YWHAE: variants seen among roughly 807,000 people sequenced by gnomAD.
YWHAE encodes 14-3-3 protein epsilon.
Under a neutral mutation model 30.1 loss-of-function variants are expected in YWHAE, and 4 were observed. The observed-to-expected ratio is 0.13, with a 90% CI of 0.07 to 0.30. The LOEUF is 0.30. Among genes scored for constraint, YWHAE ranks in the 10% least tolerant of loss-of-function variants. YWHAE has a pLI of 1.00. For synonymous variants in YWHAE, 118 were observed against 111.8 expected, an observed-to-expected ratio of 1.06 and a Z score of -0.35; for missense variants, 121 against 315.9, an observed-to-expected ratio of 0.38 and a Z score of 4.68.
chr17:1,389,042 T>C (rs945409718), intron 1 of YWHAE, among the ~76,000 whole-genome samples: 1 of 152,068 alleles, frequency 6.6e-6, no homozygotes, highest in Non-Finnish European at 1.5e-5. Context: ...CATGGCTCAC[T>C]GCAGCCTCGA....
chr17:1,369,914 G>A lies in YWHAE; in HGVS notation c.65-4856C>T, dbSNP rs150795056. On this transcript the variant is annotated intron_variant, in intron 1 of 5. Transcript: ENST00000264335. ...TGCTAATAAATGCTAATGCTCATCT[G>A]AGCCTTCAGCAAGTGATAATATTTT... Among the ~76,000 whole-genome samples, 95 of 152,232 alleles carry A rather than the reference G, an allele frequency of 6.2e-4. 1 individual carries two copies. The highest frequency in any genetic ancestry group is 2.2e-3 in the African/African-American group (93 of 41,532).
At chr17:1,399,812 G>C in intron 1 of YWHAE, 1 of 237,298 alleles carries the variant, frequency 4.2e-6, no homozygotes, top group Non-Finnish European at 8.0e-6. Context: ...CCACCCCGTC[G>C]CCCCGGCCTC....
intron 1 of YWHAE, among the ~76,000 whole-genome samples, chr17:1,369,100 C>T (rs1434767360): frequency 6.6e-6 from 1 of 152,184 alleles, no homozygotes; most frequent in African/African-American, 2.4e-5. Context: ...TTTACATATA[C>T]ACAAAACAAT....
chr17:1,375,830 G>GT (rs2073113927), intron 1 of YWHAE, among the ~76,000 whole-genome samples: 1 of 152,172 alleles, frequency 6.6e-6, no homozygotes, highest in Non-Finnish European at 1.5e-5. Flanking sequence ...GGTTTGGTTT[G>GT]TGGTTGTGTT....
At chr17:1,358,892 T>C (rs1293683335) in intron 4 of YWHAE, among the ~76,000 whole-genome samples, 1 of 149,422 alleles carries the variant, frequency 6.7e-6, no homozygotes, top group Non-Finnish European at 1.5e-5. Flanking sequence ...CCCAGAACTT[T>C]GGGAGGCCGA....
At chr17:1,391,437 G>A (rs1026163403) in intron 1 of YWHAE, among the ~76,000 whole-genome samples, 8 of 152,184 alleles carry the variant, frequency 5.3e-5, no homozygotes, top group African/African-American at 1.7e-4. Flanking sequence ...CACAAGGCAA[G>A]TTTGTTGCCC....
chr17:1,349,868 C>T (rs902208283), intron 5 of YWHAE, among the ~76,000 whole-genome samples: 1 of 152,110 alleles, frequency 6.6e-6, no homozygotes, highest in Non-Finnish European at 1.5e-5. Flanking sequence ...CCCGCCTCAG[C>T]CTCCCAAAGT....
chr17:1,395,292 C>T (rs930797805), intron 1 of YWHAE, among the ~76,000 whole-genome samples: 7 of 152,232 alleles, frequency 4.6e-5, no homozygotes, highest in African/African-American at 1.4e-4. Flanking sequence ...GTTTGGGAGG[C>T]TGAGGTGGGC....
At chr17:1,357,641 A>G (rs937167439) in intron 4 of YWHAE, among the ~76,000 whole-genome samples, 2 of 152,020 alleles carry the variant, frequency 1.3e-5, no homozygotes, top group Non-Finnish European at 2.9e-5. Context: ...AAAATTTAAA[A>G]TAGGCTGGGT....
chr17:1,386,286 C>G (rs1184493730), intron 1 of YWHAE, among the ~76,000 whole-genome samples: 3 of 152,236 alleles, frequency 2.0e-5, no homozygotes, highest in African/African-American at 7.2e-5. Context: ...CATGGGACAC[C>G]CAGCAACTGA....
chr17:1,348,462 T>C (rs550445418), intron 5 of YWHAE, among the ~76,000 whole-genome samples: 1 of 152,262 alleles, frequency 6.6e-6, no homozygotes, highest in South Asian at 2.1e-4. Flanking sequence ...TTAAAAGACA[T>C]AAATACCGTC....
At chr17:1,394,450 A>AAAAAC (rs2073435379) in intron 1 of YWHAE, among the ~76,000 whole-genome samples, 1 of 149,438 alleles carries the variant, frequency 6.7e-6, no homozygotes, top group African/African-American at 2.5e-5. Context: ...AAAAAAAAAA[A>AAAAAC]AAAAAAAAAA....
At chr17:1,347,626 T>A (rs1255544734) in intron 5 of YWHAE, among the ~76,000 whole-genome samples, 1 of 152,108 alleles carries the variant, frequency 6.6e-6, no homozygotes, top group African/African-American at 2.4e-5. Context: ...CAAAGGACAA[T>A]AACGTATTCA....
intron 1 of YWHAE, among the ~76,000 whole-genome samples, chr17:1,375,214 T>C (rs1480395423): frequency 2.6e-5 from 4 of 152,194 alleles, no homozygotes; most frequent in African/African-American, 9.7e-5. Flanking sequence ...GTCATCTTTA[T>C]CCTTTTAACA....
chr17:1,382,913 T>C (rs942327635), intron 1 of YWHAE, among the ~76,000 whole-genome samples: 8 of 151,028 alleles, frequency 5.3e-5, no homozygotes, highest in African/African-American at 2.0e-4. Flanking sequence ...TAATTCCAGC[T>C]ACTTGGGAGG....
intron 1 of YWHAE, among the ~76,000 whole-genome samples, chr17:1,397,745 TGGACACAGGTAGA>T (rs911887859): frequency 6.6e-6 from 1 of 152,162 alleles, no homozygotes; most frequent in African/African-American, 2.4e-5. Context: ...AATAAAGGAA[TGGACACAGGTAGA>T]GGACACAGGT....
intron 1 of YWHAE, among the ~76,000 whole-genome samples, chr17:1,396,481 T>C (rs2073473596): frequency 6.6e-6 from 1 of 152,054 alleles, no homozygotes; most frequent in Non-Finnish European, 1.5e-5. Context: ...TCCTAGGGAA[T>C]CCAACATGAC....
At chr17:1,364,754 C>G (rs567814386) in intron 2 of YWHAE, 105 bp downstream of exon 2, 59 of 1,294,316 alleles carry the variant, frequency 4.6e-5, no homozygotes, top group Non-Finnish European at 5.9e-5. Flanking sequence ...TACTGTAATA[C>G]AAGTTATATG....
At chr17:1,394,839 C>G (rs1182186471) in intron 1 of YWHAE, among the ~76,000 whole-genome samples, 1 of 149,820 alleles carries the variant, frequency 6.7e-6, no homozygotes, top group East Asian at 2.0e-4. Context: ...CGATGGCGGG[C>G]GCCTGTAGTC....
Sources: gnomAD v4.1 joint callset for allele counts (sites outside exome capture counted in the v4.1 genomes callset) on GRCh38, gnomAD v4.1.1 for gene constraint, MANE v1.5 for transcripts, NCBI Gene and HGNC (gene_info 2026-07-23, HGNC 2026-07-21) for gene names.